Variants in CACNA2D3 observed in about 807,000 individuals in gnomAD.
The protein encoded by CACNA2D3 is voltage-dependent calcium channel subunit alpha-2/delta-3.
A neutral mutation model predicts 160.6 loss-of-function variants in CACNA2D3; 60 were observed. The observed-to-expected ratio is 0.37, with a 90% CI of 0.30 to 0.46. The LOEUF is 0.46. Ranked by LOEUF, CACNA2D3 falls within the 20% of genes least tolerant of loss-of-function variation. The probability of loss-of-function intolerance (pLI) is 1.00; values close to 1 mark genes in which losing one functional copy is unlikely to be tolerated. For synonymous variants in CACNA2D3, 558 were observed against 492.9 expected (o/e 1.13, Z -1.75); for missense variants, 1,205 against 1,365.0 (o/e 0.88, Z 1.85).
intron 35 of CACNA2D3, among the ~76,000 whole-genome samples, chr3:55,033,602 ATATATC>A (rs1209393683): frequency 8.3e-5 from 11 of 132,502 alleles, no homozygotes; most frequent in African/African-American, 2.8e-4. Flanking sequence ...ATATATATAT[ATATATC>A]TCCTTGAAGT....
intron 2 of CACNA2D3, among the ~76,000 whole-genome samples, chr3:54,198,727 G>A (rs915698621): frequency 1.3e-5 from 2 of 152,262 alleles, no homozygotes; most frequent in African/African-American, 4.8e-5. Context: ...CAGGCCCCGG[G>A]GGGTTACTGC....
At chr3:54,199,407 A>G (rs974090206) in intron 2 of CACNA2D3, among the ~76,000 whole-genome samples, 9 of 152,216 alleles carry the variant, frequency 5.9e-5, no homozygotes, top group African/African-American at 1.7e-4. Context: ...ACCATCACCC[A>G]GGCTGGAGTG....
At chr3:54,331,419 C>G (rs1704251689) in intron 3 of CACNA2D3, among the ~76,000 whole-genome samples, 1 of 152,128 alleles carries the variant, frequency 6.6e-6, no homozygotes, top group African/African-American at 2.4e-5. Context: ...TTAGTAGAGT[C>G]TATGTGTATG....
intron 14 of CACNA2D3, among the ~76,000 whole-genome samples, chr3:54,822,442 G>C (rs1703625099): frequency 6.6e-6 from 1 of 152,172 alleles, no homozygotes; most frequent in South Asian, 2.1e-4. Context: ...CTGTATGAGT[G>C]TGTCTGTGGC....
chr3:54,401,228 A>G (rs1452264454), intron 4 of CACNA2D3, among the ~76,000 whole-genome samples: 1 of 152,202 alleles, frequency 6.6e-6, no homozygotes, highest in African/African-American at 2.4e-5. Context: ...AAGATTGAAG[A>G]CAGTCTGCAG....
At chr3:54,859,311 A>G (rs1575515268) in intron 17 of CACNA2D3, among the ~76,000 whole-genome samples, 1 of 152,236 alleles carries the variant, frequency 6.6e-6, no homozygotes. Context: ...ATTGTACTTC[A>G]TTGAGGAATG....
chr3:54,577,054 CA>C (rs1702596820), intron 8 of CACNA2D3, among the ~76,000 whole-genome samples: 1 of 151,788 alleles, frequency 6.6e-6, no homozygotes, highest in Non-Finnish European at 1.5e-5. Context: ...AACAAACAAA[CA>C]AAAACAAACA....
At chr3:54,186,214 C>A (rs957182139) in intron 2 of CACNA2D3, among the ~76,000 whole-genome samples, 14 of 152,282 alleles carry the variant, frequency 9.2e-5, no homozygotes, top group Non-Finnish European at 1.8e-4. Context: ...TATGATGTTG[C>A]AATAACTTGA....
In CACNA2D3 at chr3:54,631,110, A is replaced by G. The variant is rs146539271; in HGVS notation, c.1053+3234A>G. On this transcript the variant is annotated intron_variant, in intron 10 of 37. Coordinates refer to ENST00000474759, the MANE Select transcript of CACNA2D3 (RefSeq NM_018398.3). ...TCCCAGCTATTCGGGAGGCTGAGGCAGGAGAATCGCTTGAACCCAGGAGGG... is the reference window on the plus strand; with the variant it reads ...TCCCAGCTATTCGGGAGGCTGAGGCGGGAGAATCGCTTGAACCCAGGAGGG... 7.4e-3 allele frequency among the ~76,000 whole-genome samples: 1,126 copies of G among 152,010 alleles called. 7 individuals are homozygous for G. The highest frequency in any genetic ancestry group is 0.026 in the African/African-American group (1,078 of 41,478).
intron 2 of CACNA2D3, among the ~76,000 whole-genome samples, chr3:54,183,683 C>A (rs1263568123): frequency 1.3e-5 from 2 of 151,384 alleles, no homozygotes; most frequent in Non-Finnish European, 2.9e-5. Context: ...TCAGTAGTTC[C>A]AGACCAGTCT....
At chr3:54,260,589 G>A (rs1177109364) in intron 2 of CACNA2D3, among the ~76,000 whole-genome samples, 1 of 152,108 alleles carries the variant, frequency 6.6e-6, no homozygotes, top group African/African-American at 2.4e-5. Context: ...AGCAACATAT[G>A]AACTTGTAAA....
At chr3:54,482,035 T>C (rs1448173958) in intron 4 of CACNA2D3, among the ~76,000 whole-genome samples, 2 of 152,178 alleles carry the variant, frequency 1.3e-5, no homozygotes, top group African/African-American at 4.8e-5. Flanking sequence ...GGAAGAAATA[T>C]GCATCAAGAA....
chr3:54,156,219 A>G (rs750353742), intron 2 of CACNA2D3, among the ~76,000 whole-genome samples: 11 of 152,222 alleles, frequency 7.2e-5, no homozygotes, highest in Non-Finnish European at 1.5e-4. Context: ...GGGAAATGAG[A>G]CAGGGACAAG....
intron 13 of CACNA2D3, among the ~76,000 whole-genome samples, chr3:54,772,402 T>C (rs1355725318): frequency 1.3e-5 from 2 of 152,126 alleles, no homozygotes; most frequent in African/African-American, 4.8e-5. Context: ...GTTTTGGTTC[T>C]GGACAAGTTC....
At chr3:54,772,798 C>G (rs758134133) in intron 13 of CACNA2D3, among the ~76,000 whole-genome samples, 5 of 152,128 alleles carry the variant, frequency 3.3e-5, no homozygotes, top group East Asian at 1.9e-4. Context: ...GGAATTTGTT[C>G]CATTTTAAAA....
chr3:54,822,212 C>T (rs1384695358), intron 14 of CACNA2D3, among the ~76,000 whole-genome samples: 2 of 152,084 alleles, frequency 1.3e-5, no homozygotes, highest in Non-Finnish European at 2.9e-5. Flanking sequence ...GATTGATATA[C>T]TCACAGTCTG....
chr3:54,563,825 G>A (rs902024297), intron 6 of CACNA2D3, among the ~76,000 whole-genome samples: 17 of 152,188 alleles, frequency 1.1e-4, no homozygotes, highest in Middle Eastern at 3.4e-3. Context: ...ACAGACTGCC[G>A]GCCTCTGCCT....
intron 27 of CACNA2D3, among the ~76,000 whole-genome samples, chr3:54,910,177 G>A (rs1257982292): frequency 1.3e-5 from 2 of 152,168 alleles, no homozygotes; most frequent in Non-Finnish European, 2.9e-5. Context: ...CAGGCAGATG[G>A]TAGTAGGTAA....
chr3:54,590,420 T>G (rs1575365126), intron 9 of CACNA2D3, among the ~76,000 whole-genome samples: 1 of 152,116 alleles, frequency 6.6e-6, no homozygotes, highest in East Asian at 1.9e-4. Context: ...TGCCAGGGGT[T>G]AGGCATGGGA....
Sources: gnomAD v4.1 joint callset for allele counts (sites outside exome capture counted in the v4.1 genomes callset) on GRCh38, gnomAD v4.1.1 for gene constraint, MANE v1.5 for transcripts, NCBI Gene and HGNC (gene_info 2026-07-23, HGNC 2026-07-21) for gene names.